PCDHGA12: variants seen among roughly 807,000 people sequenced by gnomAD.
PCDHGA12 encodes protocadherin gamma-A12.
Under a neutral mutation model 61.1 loss-of-function variants are expected in PCDHGA12, and 43 were observed. The ratio of observed to expected loss-of-function variants is 0.70; its 90% CI spans 0.55 to 0.91. PCDHGA12 has a LOEUF of 0.91. Ranked by LOEUF, PCDHGA12 falls within the 40% of genes least tolerant of loss-of-function variation. The pLI is 0.00. For missense variants in PCDHGA12, 1,236 were observed against 1,227.7 expected (o/e 1.01, Z -0.10); for synonymous variants, 520 against 542.9 (o/e 0.96, Z 0.59).
chr5:141,460,278 G>C (rs1380767218), intron 1 of PCDHGA12, among the ~76,000 whole-genome samples: 1 of 151,964 alleles, frequency 6.6e-6, no homozygotes, highest in African/African-American at 2.4e-5. Context: ...TTCTTTTATA[G>C]TTTGTATTTC....
intron 1 of PCDHGA12, among the ~76,000 whole-genome samples, chr5:141,459,949 G>T (rs1284876601): frequency 2.0e-5 from 3 of 152,124 alleles, no homozygotes; most frequent in Non-Finnish European, 4.4e-5. Context: ...GTGATGGCAG[G>T]TGCCTGTAAT....
intron 1 of PCDHGA12, among the ~76,000 whole-genome samples, chr5:141,443,690 A>C (rs2098399415): frequency 6.6e-6 from 1 of 152,224 alleles, no homozygotes; most frequent in Non-Finnish European, 1.5e-5. Flanking sequence ...AACACTTCAA[A>C]AATTATAGAA....
intron 2 of PCDHGA12, among the ~76,000 whole-genome samples, chr5:141,502,723 G>C (rs771399677): frequency 3.9e-5 from 6 of 152,124 alleles, no homozygotes; most frequent in Non-Finnish European, 8.8e-5. Flanking sequence ...TGATTACAAA[G>C]CGGTGATGTT....
chr5:141,432,539 G>A lies in PCDHGA12; in HGVS notation c.1780G>A (p.Val594Met). 2.5e-6 allele frequency: 4 copies of A among 1,614,038 alleles called. No individual in the cohort carries two copies. Among genetic ancestry groups the A allele is most frequent in the Non-Finnish European group, 3.4e-6 (4 of 1,180,022 alleles). ...PGYLVTKVVA[V>M]DRDSGQNAWL... ...CTACCTGGTGACCAAGGTGGTGGCG[G>A]TGGACAGAGACTCCGGCCAGAACGC... Residue 594 changes from valine to methionine, a missense_variant, in exon 1 of 4, where the codon GTG (valine) becomes ATG (methionine). Transcript: ENST00000252085. The surrounding 1 kb of genome is among the most constrained non-coding windows in gnomAD (Gnocchi z 6.0).
chr5:141,472,371 C>G (rs2099278632), intron 1 of PCDHGA12, among the ~76,000 whole-genome samples: 1 of 151,944 alleles, frequency 6.6e-6, no homozygotes, highest in Admixed American at 6.6e-5. Flanking sequence ...GAAACCCCGT[C>G]TCCACTAAAA....
intron 1 of PCDHGA12, among the ~76,000 whole-genome samples, chr5:141,450,826 A>ATT (rs764729742): frequency 0.025 from 3,390 of 134,266 alleles, 60 homozygotes; most frequent in Middle Eastern, 0.057. Flanking sequence ...TATTATTATT[A>ATT]TTATTTTTTT....
rs1228153118 is a variant in PCDHGA12 at position 141,433,077 on chromosome 5, C to G, written c.2318C>G (p.Pro773Arg). 5.0e-6 allele frequency: 8 copies of G among 1,614,080 alleles called. No homozygotes were observed. The African/African-American group carries it at 6.7e-5, about 13-fold the overall frequency. Residue 773 changes from proline (P) to arginine (R), a missense_variant, in exon 1 of 4, where the codon CCC (proline) becomes CGC (arginine). Transcript: ENST00000252085. Reference protein sequence around the residue: ...SRKSHLIFPQPNYADMLVSQE... With the variant: ...SRKSHLIFPQRNYADMLVSQE... Reference sequence around the variant, plus strand: ...AAGAGTCACCTGATCTTCCCCCAGCCCAACTATGCAGACATGCTCGTCAGC... The same window carrying G: ...AAGAGTCACCTGATCTTCCCCCAGCGCAACTATGCAGACATGCTCGTCAGC...
In PCDHGA12 at chr5:141,477,088, C is replaced by G. The variant is rs1008530221; in HGVS notation, c.2425-17719C>G. On this transcript the variant is annotated intron_variant, in intron 1 of 3. Transcript: ENST00000252085. This position sits in a 1 kb window ranked among gnomAD's most constrained non-coding sequence, Gnocchi z 4.9. ...AACTCCATGAGATTTACATCCAGGC[C>G]AAAGACAAGGGCGCCAATCCCGAAG... The G allele has an allele frequency of 1.2e-6, 2 of 1,614,112 alleles. No individual in the cohort carries two copies. The highest frequency in any genetic ancestry group is 1.6e-4 in the Middle Eastern group (1 of 6,084).
At position 141,490,276 on chromosome 5, in the gene PCDHGA12, A is replaced by T; in HGVS notation, c.2425-4531A>T. 1 of 1,614,236 alleles carries T rather than the reference A, an allele frequency of 6.2e-7. No individual in the cohort carries two copies. Among genetic ancestry groups the T allele is most frequent in the Non-Finnish European group, 8.5e-7 (1 of 1,180,036 alleles). On this transcript the variant is annotated intron_variant, in intron 1 of 3. Transcript: ENST00000252085. This position sits in a 1 kb window ranked among gnomAD's most constrained non-coding sequence, Gnocchi z 5.4. ...AGTGGATGTGGGGGATGTCAATGACAATGCCCCAGAGGTGCTATTGGCCTC... is the reference window on the plus strand; with the variant it reads ...AGTGGATGTGGGGGATGTCAATGACTATGCCCCAGAGGTGCTATTGGCCTC...
rs767577725 is a variant in PCDHGA12, at chr5:141,485,642, G to C, written c.2425-9165G>C. On this transcript the variant is annotated intron_variant, in intron 1 of 3. Transcript: ENST00000252085. This position sits in a 1 kb window ranked among gnomAD's most constrained non-coding sequence, Gnocchi z 5.7. ...AGGACAGCGTTTCCCGTTGGAAAAGGCTCAGGATGCAGATGTGGGGAGCAA... is the reference window on the plus strand; with the variant it reads ...AGGACAGCGTTTCCCGTTGGAAAAGCCTCAGGATGCAGATGTGGGGAGCAA... 2 of 1,612,044 alleles carry C rather than the reference G, an allele frequency of 1.2e-6. No individual in the cohort carries two copies. The highest frequency in any genetic ancestry group is 8.5e-7 in the Non-Finnish European group (1 of 1,178,592).
chr5:141,454,998 G>A (rs909142112), intron 1 of PCDHGA12, among the ~76,000 whole-genome samples: 1 of 151,220 alleles, frequency 6.6e-6, no homozygotes, highest in Admixed American at 6.6e-5. Flanking sequence ...ATTTTTAGTA[G>A]AGACGGGGTT....
intron 2 of PCDHGA12, among the ~76,000 whole-genome samples, chr5:141,503,292 A>G (rs7710319): frequency 6.6e-6 from 1 of 151,928 alleles, no homozygotes; most frequent in African/African-American, 2.4e-5. Flanking sequence ...TGGTACATAG[A>G]AATTGCTCAA....
rs1252377833 is a variant in PCDHGA12, at chr5:141,485,012, G to T, written c.2425-9795G>T. On this transcript the variant is annotated intron_variant, in intron 1 of 3. Coordinates refer to ENST00000252085, the MANE Select transcript of PCDHGA12 (RefSeq NM_003735.3). The surrounding 1 kb of genome is among the most constrained non-coding windows in gnomAD (Gnocchi z 5.7). Reference sequence around the variant, plus strand: ...GGTGAAAGGCAGACAAATCTACCCCGCCACCAGCAAAAACGGCGCGTAACC... The same window carrying T: ...GGTGAAAGGCAGACAAATCTACCCCTCCACCAGCAAAAACGGCGCGTAACC... The T allele has an allele frequency of 1.3e-5, 8 of 630,528 alleles. No individual in the cohort carries two copies. In the Admixed American group the frequency reaches 1.5e-4, roughly 12 times the overall value. 39.1% of individuals were successfully genotyped at this position (630,528 alleles called of 1,614,324 possible).
At position 141,431,495 on chromosome 5, in the gene PCDHGA12, G is replaced by A. The variant is rs557611439; in HGVS notation, c.736G>A (p.Glu246Lys). The A allele has an allele frequency of 4.3e-6, 7 of 1,613,864 alleles. No homozygotes were observed. The highest frequency in any genetic ancestry group is 1.1e-5 in the South Asian group (1 of 91,092). The change falls in exon 1 of 4, where the codon GAG becomes AAG. Residue 246 changes from glutamate (E) to lysine (K), a missense_variant. Glu to Lys is a moderately conservative substitution (Grantham distance 56, BLOSUM62 1). Coordinates refer to ENST00000252085, the MANE Select transcript of PCDHGA12 (RefSeq NM_003735.3). This position sits in a 1 kb window ranked among gnomAD's most constrained non-coding sequence, Gnocchi z 4.8. ...NDNAPAFAQP[E>K]YRASVPENLA... ...CAACGCACCAGCGTTTGCTCAGCCC[G>A]AGTACCGCGCGAGCGTTCCGGAGAA...
In PCDHGA12 at chr5:141,441,804, C is replaced by CAT. The variant is rs1189673284; in HGVS notation, c.2424+8621_2424+8622insAT. The CAT allele has an allele frequency of 6.5e-4, 249 of 382,482 alleles. 2 individuals are homozygous for CAT. Among genetic ancestry groups the CAT allele is most frequent in the African/African-American group, 4.8e-3 (221 of 45,888 alleles). 23.7% of individuals were successfully genotyped at this position (382,482 alleles called of 1,614,324 possible). The stretch of plus-strand genomic sequence containing the variant: ...CCTGAATGACAACGCACCGCGGGTG[C>CAT]TGTACCCCAGCTCTGGAGCGCAATG... On this transcript the variant is annotated intron_variant, in intron 1 of 3. Transcript: ENST00000252085.
intron 1 of PCDHGA12, among the ~76,000 whole-genome samples, chr5:141,479,053 A>G (rs534968614): frequency 9.2e-5 from 14 of 152,334 alleles, no homozygotes; most frequent in African/African-American, 3.1e-4. Context: ...TCATTCTCAG[A>G]TAATTTTTTA....
At chr5:141,456,309 A>T (rs1305324857) in intron 1 of PCDHGA12, among the ~76,000 whole-genome samples, 1 of 152,138 alleles carries the variant, frequency 6.6e-6, no homozygotes, top group Non-Finnish European at 1.5e-5. Flanking sequence ...AACAGCAGCT[A>T]GGGCTCCTCC....
chr5:141,501,299 AC>A (rs1446641380), intron 2 of PCDHGA12, among the ~76,000 whole-genome samples: 1 of 149,208 alleles, frequency 6.7e-6, no homozygotes, highest in African/African-American at 2.5e-5. Flanking sequence ...ATACACACAC[AC>A]ACACACACAC....
At position 141,502,487 on chromosome 5, in the gene PCDHGA12, C is replaced by T. The variant is rs563658817; in HGVS notation, c.2484-2906C>T. ...TACTTCCCGCAGCATCACACTGGGACTCATCTAACGTCGGCCTGTCCCACT... is the reference window on the plus strand; with the variant it reads ...TACTTCCCGCAGCATCACACTGGGATTCATCTAACGTCGGCCTGTCCCACT... On this transcript the variant is annotated intron_variant, in intron 2 of 3. Coordinates refer to ENST00000252085, the MANE Select transcript of PCDHGA12 (RefSeq NM_003735.3). Among the ~76,000 whole-genome samples, 92 of 152,298 alleles carry T rather than the reference C, an allele frequency of 6.0e-4. 3 individuals are homozygous for T. The highest frequency in any genetic ancestry group is 1.5e-4 in the Non-Finnish European group (10 of 68,030).
Sources: allele counts gnomAD v4.1 joint callset (sites outside exome capture counted in the v4.1 genomes callset), GRCh38; gene constraint gnomAD v4.1.1; non-coding constraint Gnocchi (gnomAD v3.1); transcripts MANE v1.5; gene names NCBI Gene and HGNC (gene_info 2026-07-23, HGNC 2026-07-21).